The following WNT9A variants were observed in gnomAD, a reference collection of about 807,000 sequenced individuals.
WNT9A encodes Wnt family member 9A.
WNT9A carries 8 observed loss-of-function variants against 31.4 expected under a neutral mutation model. The ratio of observed to expected loss-of-function variants is 0.26; its 90% CI spans 0.15 to 0.46. The LOEUF (loss-of-function observed/expected upper bound fraction) is 0.46, where lower values mean the gene tolerates loss of function less well. Among genes scored for constraint, WNT9A ranks in the 20% least tolerant of loss-of-function variants. The pLI, the probability that WNT9A is intolerant of heterozygous loss-of-function variation, is 0.99. For synonymous variants in WNT9A, 236 were observed against 220.1 expected (o/e 1.07, Z -0.64); for missense variants, 457 against 522.9 (o/e 0.87, Z 1.23).
rs1666278958 is a variant in WNT9A, at chr1:227,919,823, CACTG to C, written c.*1691_*1694del. On this transcript the variant is annotated 3_prime_UTR_variant, in exon 4 of 4. Transcript: ENST00000272164. ...CTCACAACATACGCACACGTATGCA[CACTG>C]ACCACGCCAGCACACACACTCTCAC... The C allele has an allele frequency of 1.3e-5, 2 of 151,444 alleles. No homozygotes were observed. Among genetic ancestry groups the C allele is most frequent in the Admixed American group, 1.3e-4 (2 of 15,014 alleles). 9.4% of individuals were successfully genotyped at this position (151,444 alleles called of 1,614,324 possible). A position where few individuals can be genotyped will look rare whatever the true frequency, so the allele number is the denominator to read the frequency against.
At chr1:227,936,526 G>T (rs1277264643) in intron 1 of WNT9A, among the ~76,000 whole-genome samples, 1 of 152,018 alleles carries the variant, frequency 6.6e-6, no homozygotes, top group Non-Finnish European at 1.5e-5. Context: ...GTAGAGACGG[G>T]GTTTCACCAT....
intron 1 of WNT9A, among the ~76,000 whole-genome samples, chr1:227,930,751 T>C (rs1438956472): frequency 6.6e-6 from 1 of 152,214 alleles, no homozygotes; most frequent in Non-Finnish European, 1.5e-5. Flanking sequence ...CCAGGCGCAG[T>C]GGCTCACGCC....
chr1:227,938,480 C>T (rs1376430046), intron 1 of WNT9A, among the ~76,000 whole-genome samples: 3 of 151,816 alleles, frequency 2.0e-5, no homozygotes, highest in Admixed American at 2.0e-4. Context: ...TCCACAGGAA[C>T]GAACACACCC....
At chr1:227,931,842 G>A (rs570395107) in intron 1 of WNT9A, among the ~76,000 whole-genome samples, 21 of 152,026 alleles carry the variant, frequency 1.4e-4, no homozygotes, top group African/African-American at 4.6e-4. Flanking sequence ...ACTGGTCAGC[G>A]TGGTGGCTGC....
At chr1:227,938,579 G>A (rs1330805312) in intron 1 of WNT9A, among the ~76,000 whole-genome samples, 4 of 151,828 alleles carry the variant, frequency 2.6e-5, no homozygotes, top group African/African-American at 9.7e-5. Context: ...GCATACGCAC[G>A]TGCAGACACA....
intron 1 of WNT9A, among the ~76,000 whole-genome samples, chr1:227,930,775 C>A (rs1666497930): frequency 1.3e-5 from 2 of 152,156 alleles, no homozygotes; most frequent in African/African-American, 4.8e-5. Flanking sequence ...AATCCCAATG[C>A]TTTGGGAGGC....
Position 227,925,693 on chromosome 1 carries a change from C to T in WNT9A, c.96-174G>A, listed in dbSNP as rs1412373183. Reference sequence around the variant, plus strand: ...AGGGAGGCGAGAAGGGCCTTGGCCCCCTGCACACCCATGGCCCCCACTCCA... The same window carrying T: ...AGGGAGGCGAGAAGGGCCTTGGCCCTCTGCACACCCATGGCCCCCACTCCA... On this transcript the variant is annotated intron_variant, in intron 1 of 3. Transcript: ENST00000272164. The surrounding 1 kb of genome is among the most constrained non-coding windows in gnomAD (Gnocchi z 6.0). Among the ~76,000 whole-genome samples, 5 of 152,266 alleles carry T rather than the reference C, an allele frequency of 3.3e-5. No homozygotes were observed. The highest frequency in any genetic ancestry group is 9.6e-5 in the African/African-American group (4 of 41,552).
intron 2 of WNT9A, 142 bp from the exon 3 acceptor site, chr1:227,924,542 G>T: frequency 7.7e-7 from 1 of 1,298,514 alleles, no homozygotes; most frequent in Non-Finnish European, 1.0e-6. Context: ...GGGACAGGGT[G>T]TGGGTGTGCC....
At chr1:227,941,964 C>A (rs1256383891) in intron 1 of WNT9A, among the ~76,000 whole-genome samples, 1 of 152,110 alleles carries the variant, frequency 6.6e-6, no homozygotes, top group East Asian at 1.9e-4. Flanking sequence ...CACCTCCTCC[C>A]TGCCCCAGGG....
intron 1 of WNT9A, among the ~76,000 whole-genome samples, chr1:227,938,504 C>T (rs1193216860): frequency 6.6e-6 from 1 of 152,014 alleles, no homozygotes; most frequent in Non-Finnish European, 1.5e-5. Flanking sequence ...CACACAGATA[C>T]ACCCATACAC....
chr1:227,945,082 G>A (rs541637597), intron 1 of WNT9A, among the ~76,000 whole-genome samples: 15 of 152,300 alleles, frequency 9.8e-5, no homozygotes, highest in African/African-American at 3.4e-4. Context: ...CGTCTAATCC[G>A]GATCTACCAT....
chr1:227,939,613 C>T (rs1422690875), intron 1 of WNT9A, among the ~76,000 whole-genome samples: 2 of 152,082 alleles, frequency 1.3e-5, no homozygotes, highest in Admixed American at 6.5e-5. Context: ...ACAGGAAGTC[C>T]TACGGAGGGA....
intron 1 of WNT9A, among the ~76,000 whole-genome samples, chr1:227,940,806 C>T (rs539360405): frequency 1.2e-3 from 179 of 152,348 alleles, no homozygotes; most frequent in African/African-American, 4.2e-3. Flanking sequence ...TGGCGGGCAG[C>T]GGCGCCCAGC....
At chr1:227,945,135 C>T (rs545450654) in intron 1 of WNT9A, among the ~76,000 whole-genome samples, 1 of 152,216 alleles carries the variant, frequency 6.6e-6, no homozygotes, top group Non-Finnish European at 1.5e-5. Context: ...GCGAGAGGGG[C>T]CTCCCAATGG....
intron 1 of WNT9A, among the ~76,000 whole-genome samples, chr1:227,934,481 A>G (rs1185174972): frequency 6.6e-6 from 1 of 152,206 alleles, no homozygotes; most frequent in Non-Finnish European, 1.5e-5. Flanking sequence ...CTAGACAGGA[A>G]ACTAATGCAA....
At position 227,925,940 on chromosome 1, in the gene WNT9A, C is replaced by T. The variant is rs534442535; in HGVS notation, c.96-421G>A. Among the ~76,000 whole-genome samples, 21 of 152,246 alleles carry T rather than the reference C, an allele frequency of 1.4e-4. 1 individual carries two copies. In the South Asian group the frequency reaches 4.1e-3, roughly 30 times the overall value. On this transcript the variant is annotated intron_variant, in intron 1 of 3. Coordinates refer to ENST00000272164, the MANE Select transcript of WNT9A (RefSeq NM_003395.4). This position sits in a 1 kb window ranked among gnomAD's most constrained non-coding sequence, Gnocchi z 6.0. ...ATGGGCGTCTGCCACATCCTCCACC[C>T]TCTTTGGCCCCAGCTGACCCGCAGG...
rs1360628052 is a variant in WNT9A, at chr1:227,942,812, C to A, written c.95+4981G>T. Among the ~76,000 whole-genome samples, 2 of 152,196 alleles carry A rather than the reference C, an allele frequency of 1.3e-5. No homozygotes were observed. The highest frequency in any genetic ancestry group is 2.9e-5 in the Non-Finnish European group (2 of 68,028). On this transcript the variant is annotated intron_variant, in intron 1 of 3. Transcript: ENST00000272164. This position sits in a 1 kb window ranked among gnomAD's most constrained non-coding sequence, Gnocchi z 5.7. The stretch of plus-strand genomic sequence containing the variant: ...CCTAAGCCTGAGCTCTCAGCTGCTC[C>A]CAAACCCCCCGGCCCACAGTGCTCA...
chr1:227,944,833 G>A (rs1666769548), intron 1 of WNT9A, among the ~76,000 whole-genome samples: 1 of 152,196 alleles, frequency 6.6e-6, no homozygotes, highest in Non-Finnish European at 1.5e-5. Flanking sequence ...AACTGCAAGG[G>A]CCACCACCAC....
chr1:227,928,580 A>G lies in WNT9A; in HGVS notation c.96-3061T>C, dbSNP rs605410. Among the ~76,000 whole-genome samples the G allele has an allele frequency of 0.54, 81,596 of 152,080 alleles. 22,176 individuals are homozygous for G. Among genetic ancestry groups the G allele is most frequent in the African/African-American group, 0.63 (26,082 of 41,498 alleles). On this transcript the variant is annotated intron_variant, in intron 1 of 3. Transcript: ENST00000272164. This position sits in a 1 kb window ranked among gnomAD's most constrained non-coding sequence, Gnocchi z 4.5. ...GTGGGCTCCACATGCAGCCAACTGA[A>G]GGGACTCACAGCCTCAGGGGGTGCA... is the stretch of plus-strand genomic sequence containing the variant.
Sources: gnomAD v4.1 joint callset for allele counts (sites outside exome capture counted in the v4.1 genomes callset) on GRCh38, gnomAD v4.1.1 for gene constraint, Gnocchi (gnomAD v3.1) non-coding constraint, MANE v1.5 for transcripts, NCBI Gene and HGNC (gene_info 2026-07-23, HGNC 2026-07-21) for gene names.